The following CNTN6 variants were observed in gnomAD, a reference collection of about 807,000 sequenced individuals.
The protein encoded by CNTN6 is contactin 6, also known as contactin-6.
A neutral mutation model predicts 122.8 loss-of-function variants in CNTN6; 137 were observed. The ratio of observed to expected loss-of-function variants is 1.12; its 90% CI spans 0.97 to 1.29. CNTN6 has a LOEUF of 1.29. Ranked by LOEUF, CNTN6 falls within the 50% of genes most tolerant of loss-of-function variation. The pLI is 0.00. For synonymous variants in CNTN6, 570 were observed against 426.0 expected, an observed-to-expected ratio of 1.34 and a Z score of -4.16; for missense variants, 1,634 against 1,223.4, an observed-to-expected ratio of 1.34 and a Z score of -5.01.
At chr3:1,346,484 G>A (rs944515912) in intron 11 of CNTN6, among the ~76,000 whole-genome samples, 7 of 152,034 alleles carry the variant, frequency 4.6e-5, no homozygotes, top group African/African-American at 1.4e-4. Context: ...GCTAGACAGC[G>A]TTTTAAAAGA....
At chr3:1,251,995 G>C (rs2094679353) in intron 4 of CNTN6, among the ~76,000 whole-genome samples, 1 of 152,138 alleles carries the variant, frequency 6.6e-6, no homozygotes, top group Non-Finnish European at 1.5e-5. Flanking sequence ...TACCTCTAGA[G>C]TTATTTCCCC....
At chr3:1,295,912 AGTTTAG>A in intron 6 of CNTN6, 108 bp downstream of exon 6, 1 of 928,324 alleles carries the variant, frequency 1.1e-6, no homozygotes, top group Non-Finnish European at 1.6e-6. Context: ...CCAAATTACG[AGTTTAG>A]GTTCAATTCA....
chr3:1,279,376 T>A (rs934349767), intron 5 of CNTN6, among the ~76,000 whole-genome samples: 2 of 28,518 alleles, frequency 7.0e-5, no homozygotes, highest in Non-Finnish European at 1.5e-4. Flanking sequence ...CAAACCAATA[T>A]CACACTATAT....
intron 4 of CNTN6, among the ~76,000 whole-genome samples, chr3:1,246,048 A>G (rs1004067817): frequency 7.2e-5 from 11 of 152,190 alleles, no homozygotes; most frequent in Admixed American, 5.2e-4. Flanking sequence ...TTAAGGTATT[A>G]ATTTATGCTC....
At chr3:1,391,042 T>C (rs903859243) in intron 20 of CNTN6, among the ~76,000 whole-genome samples, 2 of 54,748 alleles carry the variant, frequency 3.7e-5, no homozygotes, top group Non-Finnish European at 7.5e-5. Context: ...GAATCCTCCC[T>C]AACTCATTTT....
chr3:1,112,761 A>G (rs1377906138), intron 1 of CNTN6, among the ~76,000 whole-genome samples: 1 of 152,120 alleles, frequency 6.6e-6, no homozygotes, highest in South Asian at 2.1e-4. Context: ...ATTAACCATC[A>G]CAGACACAAC....
In CNTN6 at chr3:1,388,023, A is replaced by T. The variant is rs544840538; in HGVS notation, c.2704+2226A>T. Among the ~76,000 whole-genome samples the T allele has an allele frequency of 4.0e-4, 61 of 152,288 alleles. 1 individual carries two copies. In the East Asian group the frequency reaches 6.8e-3, roughly 17 times the overall value. ...ATTGGCCAGGCTTGATTAGGTAAAC[A>T]AAGCAGCCAGGAAGCTCCAACTGGG... On this transcript the variant is annotated intron_variant, in intron 20 of 22. Coordinates refer to ENST00000446702, the MANE Select transcript of CNTN6 (RefSeq NM_001289080.2).
chr3:1,140,480 C>T (rs2092583982), intron 1 of CNTN6, among the ~76,000 whole-genome samples: 1 of 152,170 alleles, frequency 6.6e-6, no homozygotes, highest in South Asian at 2.1e-4. Context: ...TACTTATCTC[C>T]TCTAGGCCTC....
intron 1 of CNTN6, among the ~76,000 whole-genome samples, chr3:1,126,793 T>G (rs562027422): frequency 6.6e-6 from 1 of 151,974 alleles, no homozygotes; most frequent in African/African-American, 2.4e-5. Context: ...AGTTACTTCC[T>G]GTGTCCCTTC....
chr3:1,097,042 G>A (rs1028764229), intron 1 of CNTN6, among the ~76,000 whole-genome samples: 1 of 152,130 alleles, frequency 6.6e-6, no homozygotes, highest in Non-Finnish European at 1.5e-5. Flanking sequence ...TTATTAGAAT[G>A]TTGTTATTCT....
At chr3:1,240,916 T>G (rs1400417181) in intron 4 of CNTN6, among the ~76,000 whole-genome samples, 1 of 151,412 alleles carries the variant, frequency 6.6e-6, no homozygotes, top group Non-Finnish European at 1.5e-5. Flanking sequence ...TTTGGGAAGG[T>G]GATGGAAAAT....
intron 1 of CNTN6, among the ~76,000 whole-genome samples, chr3:1,145,187 G>C (rs1203439165): frequency 6.6e-6 from 1 of 152,152 alleles, no homozygotes; most frequent in African/African-American, 2.4e-5. Context: ...AGATATACCA[G>C]ATCAACGGGT....
intron 1 of CNTN6, among the ~76,000 whole-genome samples, chr3:1,106,475 G>C (rs1457843897): frequency 6.6e-6 from 1 of 151,872 alleles, no homozygotes; most frequent in East Asian, 1.9e-4. Flanking sequence ...CTGAGGCCAG[G>C]TGTTCAAGAC....
chr3:1,163,647 G>A (rs960392481), intron 2 of CNTN6, among the ~76,000 whole-genome samples: 6 of 152,112 alleles, frequency 3.9e-5, no homozygotes, highest in African/African-American at 9.7e-5. Context: ...GGAACTACTG[G>A]CTTCAAGTGT....
At chr3:1,185,984 C>G (rs2093623241) in intron 2 of CNTN6, among the ~76,000 whole-genome samples, 2 of 152,042 alleles carry the variant, frequency 1.3e-5, no homozygotes, top group Non-Finnish European at 2.9e-5. Context: ...AATTCACCTA[C>G]TACATCCAAA....
chr3:1,332,494 A>AT (rs1702432983), intron 11 of CNTN6, among the ~76,000 whole-genome samples: 1 of 57,850 alleles, frequency 1.7e-5, no homozygotes, highest in Non-Finnish European at 3.7e-5. Context: ...AAGGAAGGAA[A>AT]AAAGGAAGGA....
At chr3:1,265,378 C>G (rs2094911684) in intron 4 of CNTN6, among the ~76,000 whole-genome samples, 1 of 152,144 alleles carries the variant, frequency 6.6e-6, no homozygotes, top group African/African-American at 2.4e-5. Flanking sequence ...ATTTCCATGA[C>G]TACTTCTGGC....
At chr3:1,139,643 A>G (rs2092564032) in intron 1 of CNTN6, among the ~76,000 whole-genome samples, 1 of 152,322 alleles carries the variant, frequency 6.6e-6, no homozygotes, top group Middle Eastern at 3.4e-3. Flanking sequence ...TGAACAATTC[A>G]TCAATCAGGC....
chr3:1,255,419 A>C, intron 4 of CNTN6, among the ~76,000 whole-genome samples: 1 of 125,794 alleles, frequency 7.9e-6, no homozygotes. Context: ...TGAAAATGGA[A>C]AAAAAAAAAG....
Sources: allele counts gnomAD v4.1 joint callset (sites outside exome capture counted in the v4.1 genomes callset), GRCh38; gene constraint gnomAD v4.1.1; transcripts MANE v1.5; gene names NCBI Gene and HGNC (gene_info 2026-07-23, HGNC 2026-07-21).